Variants in WWOX observed in about 807,000 individuals in gnomAD.
The protein encoded by WWOX is WW domain containing oxidoreductase.
Under a neutral mutation model 46.2 loss-of-function variants are expected in WWOX, and 69 were observed. That is an observed-to-expected ratio of 1.49 (90% CI 1.23 to 1.82). The LOEUF (loss-of-function observed/expected upper bound fraction) is 1.82. Among genes scored for constraint, WWOX ranks in the 40% most tolerant of loss-of-function variants. The pLI, the probability that WWOX is intolerant of heterozygous loss-of-function variation, is 0.00. For missense variants in WWOX, 919 were observed against 542.6 expected (o/e 1.69, Z -6.89); for synonymous variants, 359 against 202.6 (o/e 1.77, Z -6.56).
At chr16:78,753,093 G>A (rs1597550081) in intron 8 of WWOX, among the ~76,000 whole-genome samples, 1 of 152,164 alleles carries the variant, frequency 6.6e-6, no homozygotes, top group Non-Finnish European at 1.5e-5. Flanking sequence ...TCAGGAGATG[G>A]AGACCATCCT....
chr16:78,651,099 C>G (rs1179996043), intron 8 of WWOX, among the ~76,000 whole-genome samples: 1 of 152,222 alleles, frequency 6.6e-6, no homozygotes, highest in Non-Finnish European at 1.5e-5. Context: ...GGTTAGACCC[C>G]TGACCCAAGG....
intron 8 of WWOX, among the ~76,000 whole-genome samples, chr16:78,684,623 C>T (rs546019949): frequency 1.3e-5 from 2 of 152,258 alleles, no homozygotes; most frequent in South Asian, 2.1e-4. Flanking sequence ...AACACTCCAC[C>T]GTCCCTGCTA....
intron 8 of WWOX, among the ~76,000 whole-genome samples, chr16:78,694,716 A>T (rs1289227229): frequency 6.6e-6 from 1 of 152,208 alleles, no homozygotes; most frequent in East Asian, 1.9e-4. Flanking sequence ...TTCATATGTG[A>T]ACAGATTGCT....
chr16:78,891,374 T>A (rs1470072444), intron 8 of WWOX: 1 of 152,174 alleles, frequency 6.6e-6, no homozygotes, highest in African/African-American at 2.4e-5. Flanking sequence ...TAAGTTATTT[T>A]TATAATGAGT....
intron 1 of WWOX, among the ~76,000 whole-genome samples, chr16:78,102,115 CT>C: frequency 6.6e-6 from 1 of 152,126 alleles, no homozygotes; most frequent in Non-Finnish European, 1.5e-5. Context: ...GAAATGGGGT[CT>C]CACCATGTTG....
intron 8 of WWOX, among the ~76,000 whole-genome samples, chr16:79,130,141 C>T (rs1165541458): frequency 6.6e-6 from 1 of 152,042 alleles, no homozygotes; most frequent in African/African-American, 2.4e-5. Flanking sequence ...GGGAATTTGC[C>T]CAAGCTCACA....
intron 8 of WWOX, among the ~76,000 whole-genome samples, chr16:78,798,525 A>G (rs2050802336): frequency 1.3e-5 from 2 of 151,348 alleles, no homozygotes; most frequent in Non-Finnish European, 2.9e-5. Context: ...GACAGAAAGC[A>G]TCTTATCATT....
chr16:78,433,170 C>A (rs2083263062), intron 8 of WWOX, among the ~76,000 whole-genome samples: 1 of 152,102 alleles, frequency 6.6e-6, no homozygotes, highest in Admixed American at 6.5e-5. Context: ...GATGTGATTC[C>A]TTTGTTTCAC....
intron 5 of WWOX, among the ~76,000 whole-genome samples, chr16:78,324,568 G>A (rs1377334081): frequency 6.6e-6 from 1 of 152,042 alleles, no homozygotes; most frequent in Non-Finnish European, 1.5e-5. Flanking sequence ...AATATGTTGT[G>A]GTAAATGCGT....
chr16:79,135,547 C>G (rs1056452677), intron 8 of WWOX, among the ~76,000 whole-genome samples: 12 of 152,114 alleles, frequency 7.9e-5, no homozygotes, highest in Non-Finnish European at 2.9e-5. Flanking sequence ...TCAGCTTATA[C>G]CTTGACTTTC....
At chr16:78,782,224 C>G (rs777665316) in intron 8 of WWOX, among the ~76,000 whole-genome samples, 6 of 152,178 alleles carry the variant, frequency 3.9e-5, no homozygotes, top group Non-Finnish European at 7.3e-5. Context: ...ATTGACCCCA[C>G]TGGACTTCTC....
At chr16:78,582,692 C>T (rs1459809770) in intron 8 of WWOX, among the ~76,000 whole-genome samples, 2 of 152,282 alleles carry the variant, frequency 1.3e-5, no homozygotes, top group East Asian at 1.9e-4. Flanking sequence ...CTGATGACCC[C>T]TGCTTAACAG....
intron 8 of WWOX, among the ~76,000 whole-genome samples, chr16:78,844,607 T>G (rs2052248453): frequency 1.3e-5 from 2 of 152,018 alleles, no homozygotes; most frequent in Admixed American, 1.3e-4. Context: ...ACCGCAGAAT[T>G]CTGGCAGGGT....
At chr16:78,622,611 A>G (rs950939249) in intron 8 of WWOX, among the ~76,000 whole-genome samples, 7 of 151,736 alleles carry the variant, frequency 4.6e-5, no homozygotes, top group African/African-American at 9.7e-5. Context: ...AGACGGCCCC[A>G]GTGATACCCC....
intron 8 of WWOX, among the ~76,000 whole-genome samples, chr16:78,594,938 C>G (rs545097771): frequency 6.6e-6 from 1 of 152,284 alleles, no homozygotes; most frequent in South Asian, 2.1e-4. Flanking sequence ...GGGCCTGTCT[C>G]TCAGGAAAGC....
chr16:78,694,649 C>A (rs768984368), intron 8 of WWOX, among the ~76,000 whole-genome samples: 20 of 152,176 alleles, frequency 1.3e-4, no homozygotes, highest in Non-Finnish European at 2.2e-4. Flanking sequence ...CATGTAAATA[C>A]TGGAAATTAC....
chr16:78,944,799 G>T (rs1239448284), intron 8 of WWOX, among the ~76,000 whole-genome samples: 3 of 152,112 alleles, frequency 2.0e-5, no homozygotes, highest in African/African-American at 4.8e-5. Flanking sequence ...AAGTGAAATT[G>T]GAGAGGTTCC....
intron 5 of WWOX, chr16:78,168,571 T>G (rs2035051747): frequency 6.6e-6 from 1 of 152,082 alleles, no homozygotes; most frequent in South Asian, 2.1e-4. Context: ...AAACTCCAAG[T>G]CTGTCTGCTC....
At chr16:78,883,886 G>A (rs1338097555) in intron 8 of WWOX, among the ~76,000 whole-genome samples, 1 of 152,088 alleles carries the variant, frequency 6.6e-6, no homozygotes, top group East Asian at 1.9e-4. Context: ...AATTTAAAGG[G>A]AAAGAAAACC....
Sources: allele counts gnomAD v4.1 joint callset (sites outside exome capture counted in the v4.1 genomes callset), GRCh38; gene constraint gnomAD v4.1.1; transcripts MANE v1.5; gene names NCBI Gene and HGNC (gene_info 2026-07-23, HGNC 2026-07-21).